OXR1: variants seen among roughly 807,000 people sequenced by gnomAD.
OXR1 encodes oxidation resistance 1, also known as oxidation resistance protein 1.
Under a neutral mutation model 104.6 loss-of-function variants are expected in OXR1, and 41 were observed. The ratio of observed to expected loss-of-function variants is 0.39; its 90% confidence interval spans 0.31 to 0.51. The LOEUF (loss-of-function observed/expected upper bound fraction) is 0.51, where lower values mean the gene tolerates loss of function less well. Among genes scored for constraint, OXR1 ranks in the 20% least tolerant of loss-of-function variants. The pLI is 0.77. For missense variants in OXR1, 955 were observed against 1,031.9 expected (o/e 0.93, Z 1.02); for synonymous variants, 348 against 348.4 (o/e 1.00, Z 0.01).
At chr8:106,748,240 T>C (rs991006687) in intron 16 of OXR1, among the ~76,000 whole-genome samples, 9 of 152,194 alleles carry the variant, frequency 5.9e-5, no homozygotes, top group African/African-American at 1.9e-4. Flanking sequence ...TAGACAAATA[T>C]GAATTTCAAT....
chr8:106,279,934 A>G (rs972463190), intron 1 of OXR1, among the ~76,000 whole-genome samples: 24 of 152,212 alleles, frequency 1.6e-4, no homozygotes, highest in African/African-American at 5.8e-4. Flanking sequence ...GGAATGGATC[A>G]GCTCTAGCTA....
At chr8:106,726,142 A>G in intron 11 of OXR1, 1 of 1,441,236 alleles carries the variant, frequency 6.9e-7, no homozygotes, top group Non-Finnish European at 9.0e-7. Flanking sequence ...TTGTCACTGT[A>G]GTAAGGCTCT....
chr8:106,455,823 A>G (rs1820568686), intron 2 of OXR1, among the ~76,000 whole-genome samples: 1 of 152,246 alleles, frequency 6.6e-6, no homozygotes, highest in East Asian at 1.9e-4. Flanking sequence ...ATCTGATACC[A>G]TGAAAGATAT....
At chr8:106,515,048 A>G (rs1287533417) in intron 2 of OXR1, among the ~76,000 whole-genome samples, 2 of 152,116 alleles carry the variant, frequency 1.3e-5, no homozygotes, top group Non-Finnish European at 2.9e-5. Context: ...GTTGAATATT[A>G]GGGATTTCAT....
chr8:106,650,629 A>G (rs1824488256), intron 3 of OXR1, among the ~76,000 whole-genome samples: 1 of 152,180 alleles, frequency 6.6e-6, no homozygotes, highest in Non-Finnish European at 1.5e-5. Flanking sequence ...ATACATGCAT[A>G]TTATACACAC....
intron 2 of OXR1, among the ~76,000 whole-genome samples, chr8:106,420,236 A>C (rs1419485841): frequency 2.0e-5 from 3 of 152,076 alleles, no homozygotes; most frequent in African/African-American, 7.2e-5. Context: ...ATTGGAGGTC[A>C]TATATCTTTA....
chr8:106,440,116 G>C (rs971298844), intron 2 of OXR1, among the ~76,000 whole-genome samples: 6 of 152,078 alleles, frequency 3.9e-5, no homozygotes, highest in African/African-American at 1.2e-4. Flanking sequence ...CTCCTCAGCG[G>C]TGGGACTGCG....
chr8:106,379,783 T>A (rs1484059194), intron 2 of OXR1, among the ~76,000 whole-genome samples: 1 of 152,030 alleles, frequency 6.6e-6, no homozygotes, highest in Non-Finnish European at 1.5e-5. Flanking sequence ...CCTCATGTGA[T>A]CCATCTGCCT....
chr8:106,323,097 AAAG>A (rs1381361828), intron 1 of OXR1, among the ~76,000 whole-genome samples: 3 of 152,196 alleles, frequency 2.0e-5, no homozygotes, highest in African/African-American at 7.2e-5. Context: ...ATCCTAAGCA[AAAG>A]AACAAAGCTG....
rs545355733 is a variant in OXR1 at position 106,472,308 on chromosome 8, C to T, written c.24-46635C>T. Among the ~76,000 whole-genome samples, 58 of 151,590 alleles carry T rather than the reference C, an allele frequency of 3.8e-4. 1 individual carries two copies. The highest frequency in any genetic ancestry group is 1.7e-3 in the South Asian group (8 of 4,810). Reference sequence around the variant, plus strand: ...AAGACCACATTTTAACAGTTTGGGGCTGGTTTTTTTCCCCAGTTTAAATCT... The same window carrying T: ...AAGACCACATTTTAACAGTTTGGGGTTGGTTTTTTTCCCCAGTTTAAATCT... On this transcript the variant is annotated intron_variant, in intron 2 of 16. Coordinates refer to ENST00000517566, the MANE Select transcript of OXR1 (RefSeq NM_001198533.2).
At chr8:106,403,884 T>C (rs974344253) in intron 2 of OXR1, among the ~76,000 whole-genome samples, 6 of 152,050 alleles carry the variant, frequency 3.9e-5, no homozygotes, top group African/African-American at 1.4e-4. Context: ...CAGCTCTTCA[T>C]GGGTCACACT....
intron 1 of OXR1, among the ~76,000 whole-genome samples, chr8:106,276,173 G>C (rs1290878556): frequency 6.6e-6 from 1 of 152,186 alleles, no homozygotes; most frequent in East Asian, 1.9e-4. Context: ...CATGCTGTTT[G>C]TCATTGGGGG....
At chr8:106,484,234 G>T (rs996902849) in intron 2 of OXR1, among the ~76,000 whole-genome samples, 7 of 151,524 alleles carry the variant, frequency 4.6e-5, no homozygotes, top group Non-Finnish European at 1.0e-4. Flanking sequence ...CAAGTATAAG[G>T]AAAAAATAGG....
intron 3 of OXR1, among the ~76,000 whole-genome samples, chr8:106,666,835 T>C (rs550213411): frequency 6.6e-6 from 1 of 152,282 alleles, no homozygotes; most frequent in South Asian, 2.1e-4. Flanking sequence ...TGATTCTTGC[T>C]GAAACTCGGT....
At chr8:106,293,868 C>T (rs1812861175) in intron 1 of OXR1, among the ~76,000 whole-genome samples, 1 of 151,898 alleles carries the variant, frequency 6.6e-6, no homozygotes, top group East Asian at 1.9e-4. Context: ...TGTCTCCCAA[C>T]ACTTTTGTAT....
At chr8:106,549,107 A>G (rs1815601203) in intron 3 of OXR1, among the ~76,000 whole-genome samples, 1 of 152,342 alleles carries the variant, frequency 6.6e-6, no homozygotes, top group East Asian at 1.9e-4. Flanking sequence ...AATCTAAGAT[A>G]TGGCTATTTC....
intron 2 of OXR1, among the ~76,000 whole-genome samples, chr8:106,397,879 C>A (rs1437547074): frequency 1.3e-5 from 2 of 152,090 alleles, no homozygotes; most frequent in African/African-American, 4.8e-5. Flanking sequence ...GTTCTGGAGA[C>A]CACAAGCCAA....
At chr8:106,558,540 G>T (rs373260394) in intron 3 of OXR1, among the ~76,000 whole-genome samples, 10 of 152,314 alleles carry the variant, frequency 6.6e-5, no homozygotes, top group African/African-American at 2.4e-4. Context: ...ATGGTTAAAT[G>T]TTGGCTATGT....
At chr8:106,416,373 AT>A (rs1818678941) in intron 2 of OXR1, among the ~76,000 whole-genome samples, 1 of 152,104 alleles carries the variant, frequency 6.6e-6, no homozygotes, top group Non-Finnish European at 1.5e-5. Flanking sequence ...TGGTTGCTAA[AT>A]TCTTGACAAA....
Sources: allele counts gnomAD v4.1 joint callset (sites outside exome capture counted in the v4.1 genomes callset), GRCh38; gene constraint gnomAD v4.1.1; transcripts MANE v1.5; gene names NCBI Gene and HGNC (gene_info 2026-07-23, HGNC 2026-07-21).